The following DACH1 variants were observed in gnomAD, a reference collection of about 807,000 sequenced individuals.
DACH1 encodes dachshund homolog 1.
In DACH1, 12 loss-of-function variants were observed where a neutral mutation model predicts 54.2. That is an observed-to-expected ratio of 0.22 (90% CI 0.14 to 0.36). The LOEUF (loss-of-function observed/expected upper bound fraction) is 0.36. DACH1 is among the 10% of genes least tolerant of loss of function. DACH1 has a pLI of 1.00. For synonymous variants in DACH1, 386 were observed against 366.2 expected, an observed-to-expected ratio of 1.05 and a Z score of -0.62; for missense variants, 805 against 929.8, an observed-to-expected ratio of 0.87 and a Z score of 1.75.
chr13:71,670,386 A>G (rs1442552389), intron 2 of DACH1, among the ~76,000 whole-genome samples: 1 of 152,154 alleles, frequency 6.6e-6, no homozygotes, highest in Non-Finnish European at 1.5e-5. Context: ...AAGGTCTACT[A>G]CCATTTGTAA....
chr13:71,736,916 G>A (rs1239600348), intron 1 of DACH1, among the ~76,000 whole-genome samples: 1 of 152,104 alleles, frequency 6.6e-6, no homozygotes, highest in East Asian at 1.9e-4. Context: ...ACATCTTTAT[G>A]GAAAACCATA....
intron 3 of DACH1, among the ~76,000 whole-genome samples, chr13:71,614,057 C>A (rs1180915377): frequency 6.6e-6 from 1 of 152,096 alleles, no homozygotes; most frequent in Non-Finnish European, 1.5e-5. Context: ...GAAGACTGAC[C>A]AAAGTCAGAG....
chr13:71,864,483 C>T (rs1874581938), intron 1 of DACH1, among the ~76,000 whole-genome samples: 1 of 152,158 alleles, frequency 6.6e-6, no homozygotes, highest in African/African-American at 2.4e-5. Flanking sequence ...GTTTCCCTAT[C>T]TCTGCGGGAG....
chr13:71,463,370 A>G (rs1432241850), intron 10 of DACH1, among the ~76,000 whole-genome samples: 1 of 151,962 alleles, frequency 6.6e-6, no homozygotes, highest in African/African-American at 2.4e-5. Context: ...CAGGAAACTT[A>G]AAGTCAATTT....
intron 6 of DACH1, among the ~76,000 whole-genome samples, chr13:71,496,267 A>G (rs1371707177): frequency 4.5e-4 from 16 of 35,808 alleles, no homozygotes; most frequent in African/African-American, 7.0e-4. Flanking sequence ...CTATGTATAT[A>G]TATATATATA....
chr13:71,770,522 A>G (rs75822117), intron 1 of DACH1, among the ~76,000 whole-genome samples: 2,442 of 151,658 alleles, frequency 0.016, 68 homozygotes, highest in African/African-American at 0.054. Context: ...ATTTTCTTCA[A>G]TCTGAAGCTC....
At chr13:71,673,742 C>T (rs1880362513) in intron 2 of DACH1, among the ~76,000 whole-genome samples, 1 of 151,974 alleles carries the variant, frequency 6.6e-6, no homozygotes, top group South Asian at 2.1e-4. Context: ...ACATGTACCC[C>T]AGAACTTAAA....
At position 71,636,112 on chromosome 13, in the gene DACH1, C is replaced by T. The variant is rs1877472418; in HGVS notation, c.965-5395G>A. Among the ~76,000 whole-genome samples, 4 of 152,096 alleles carry T rather than the reference C, an allele frequency of 2.6e-5. 1 individual carries two copies. In the South Asian group the frequency reaches 8.3e-4, roughly 32 times the overall value. ...TTTTACATTTTTTCATTCAAGCAAC[C>T]CATTTCTCCCTCAGAACTAGGCAAT... On this transcript the variant is annotated intron_variant, in intron 2 of 10. Coordinates refer to ENST00000613252, the MANE Select transcript of DACH1 (RefSeq NM_080759.6).
At position 71,865,792 on chromosome 13, in the gene DACH1, G is replaced by A; in HGVS notation, c.848+130C>T. ...TGGCGAGCCCCGAGCAGGGAGAGGA[G>A]AGGGCCGCGCTCGCCGGGGCGCGCG... is the stretch of plus-strand genomic sequence containing the variant. On this transcript the variant is annotated intron_variant, in intron 1 of 10. Coordinates refer to ENST00000613252, the MANE Select transcript of DACH1 (RefSeq NM_080759.6). 3 of 1,296,404 alleles carry A rather than the reference G, an allele frequency of 2.3e-6. No individual in the cohort carries two copies. The South Asian group carries it at 6.9e-5, about 30-fold the overall frequency. 80.3% of individuals were successfully genotyped at this position (1,296,404 alleles called of 1,614,324 possible). A position where few individuals can be genotyped will look rare whatever the true frequency, so the allele number is the denominator to read the frequency against.
chr13:71,482,936 G>A (rs1424288813), intron 7 of DACH1, among the ~76,000 whole-genome samples: 2 of 151,808 alleles, frequency 1.3e-5, no homozygotes, highest in Non-Finnish European at 2.9e-5. Flanking sequence ...AAGTAGCTGG[G>A]ATTACAGGCA....
chr13:71,858,280 T>C (rs1236399657), intron 1 of DACH1, among the ~76,000 whole-genome samples: 1 of 151,776 alleles, frequency 6.6e-6, no homozygotes, highest in Non-Finnish European at 1.5e-5. Context: ...TCTAATTATT[T>C]ACAAACACTT....
At chr13:71,548,359 C>G (rs189063575) in intron 6 of DACH1, among the ~76,000 whole-genome samples, 1 of 152,200 alleles carries the variant, frequency 6.6e-6, no homozygotes, top group East Asian at 1.9e-4. Context: ...CATCATCATA[C>G]AGAGTAATCT....
Position 71,598,415 on chromosome 13 carries a change from C to T in DACH1, c.1127-25403G>A, listed in dbSNP as rs1874265646. Among the ~76,000 whole-genome samples, 7 of 151,994 alleles carry T rather than the reference C, an allele frequency of 4.6e-5. No homozygotes were observed. In the South Asian group the frequency reaches 1.0e-3, roughly 23 times the overall value. ...GATTACAGCCATGCGCCACCACGCC[C>T]GGCTAATTTTTGTATTTTTAGTAGA... is the stretch of plus-strand genomic sequence containing the variant. On this transcript the variant is annotated intron_variant, in intron 3 of 10. Coordinates refer to ENST00000613252, the MANE Select transcript of DACH1 (RefSeq NM_080759.6).
At chr13:71,754,414 T>A (rs953028654) in intron 1 of DACH1, among the ~76,000 whole-genome samples, 3 of 152,220 alleles carry the variant, frequency 2.0e-5, no homozygotes, top group African/African-American at 7.2e-5. Flanking sequence ...GTACAGTCTT[T>A]AGAAGATATG....
rs71751089 is a variant in DACH1 at position 71,758,931 on chromosome 13, CTT to C, written c.849-77023_849-77022del. Among the ~76,000 whole-genome samples the C allele has an allele frequency of 6.9e-5, 10 of 145,760 alleles. No individual in the cohort carries two copies. The South Asian group carries it at 1.1e-3, about 16-fold the overall frequency. On this transcript the variant is annotated intron_variant, in intron 1 of 10. Transcript: ENST00000613252. The stretch of plus-strand genomic sequence containing the variant: ...GCATTATGTTGTTGCCAGTCTTTGT[CTT>C]TTTTTTTTTTTCCTGTGGTCCTGTT...
At chr13:71,706,941 T>A (rs552841687) in intron 1 of DACH1, among the ~76,000 whole-genome samples, 1 of 152,342 alleles carries the variant, frequency 6.6e-6, no homozygotes, top group South Asian at 2.1e-4. Flanking sequence ...TGATTTTCAT[T>A]TTAATATATC....
intron 10 of DACH1, among the ~76,000 whole-genome samples, chr13:71,442,669 C>G (rs75986414): frequency 0.03 from 4,537 of 152,112 alleles, 244 homozygotes; most frequent in African/African-American, 0.1. Flanking sequence ...ATGGATAGTA[C>G]CAAACCCTAT....
chr13:71,616,879 A>AT (rs1171502107), intron 3 of DACH1, among the ~76,000 whole-genome samples: 14,865 of 140,290 alleles, frequency 0.11, 892 homozygotes, highest in African/African-American at 0.15. Flanking sequence ...TCGGGGTTCA[A>AT]TTTTTTTTTT....
At chr13:71,777,315 A>G (rs1015005129) in intron 1 of DACH1, among the ~76,000 whole-genome samples, 1 of 152,112 alleles carries the variant, frequency 6.6e-6, no homozygotes, top group Admixed American at 6.6e-5. Flanking sequence ...CGTGTCTCCA[A>G]CAAACTGTTT....
Sources: allele counts gnomAD v4.1 joint callset (sites outside exome capture counted in the v4.1 genomes callset), GRCh38; gene constraint gnomAD v4.1.1; transcripts MANE v1.5; gene names NCBI Gene and HGNC (gene_info 2026-07-23, HGNC 2026-07-21).